Variants in KCNJ3 observed in about 807,000 individuals in gnomAD.
KCNJ3 encodes G protein-activated inward rectifier potassium channel 1.
A neutral mutation model predicts 39.2 loss-of-function variants in KCNJ3; 4 were observed. The ratio of observed to expected loss-of-function variants is 0.10; its 90% CI spans 0.05 to 0.23. The LOEUF (loss-of-function observed/expected upper bound fraction) is 0.23, where lower values mean the gene tolerates loss of function less well. Among genes scored for constraint, KCNJ3 ranks in the 10% least tolerant of loss-of-function variants. KCNJ3 has a pLI of 1.00. For missense variants in KCNJ3, 276 were observed against 634.9 expected (o/e 0.43, Z 6.08); for synonymous variants, 230 against 237.4 (o/e 0.97, Z 0.29).
intron 2 of KCNJ3, among the ~76,000 whole-genome samples, chr2:154,730,078 C>A (rs778079420): frequency 1.4e-4 from 21 of 151,774 alleles, no homozygotes; most frequent in African/African-American, 1.9e-4. Context: ...GAGTTATAAG[C>A]AGAAAGCAGT....
chr2:154,738,066 A>G (rs1685578136), intron 2 of KCNJ3, among the ~76,000 whole-genome samples: 1 of 152,118 alleles, frequency 6.6e-6, no homozygotes, highest in Admixed American at 6.6e-5. Flanking sequence ...TTTGCTTCCA[A>G]ATCTTAGCCA....
chr2:154,838,598 G>C (rs1687513378), intron 2 of KCNJ3, among the ~76,000 whole-genome samples: 1 of 152,032 alleles, frequency 6.6e-6, no homozygotes, highest in Non-Finnish European at 1.5e-5. Context: ...AGTGAAAATT[G>C]TAATGGTAAG....
intron 2 of KCNJ3, among the ~76,000 whole-genome samples, chr2:154,757,768 C>A (rs1823001): frequency 6.6e-6 from 1 of 151,936 alleles, no homozygotes; most frequent in Non-Finnish European, 1.5e-5. Context: ...TGAGGACTCC[C>A]TCTCCACTTC....
At chr2:154,805,297 G>A (rs370190917) in intron 2 of KCNJ3, among the ~76,000 whole-genome samples, 1 of 152,132 alleles carries the variant, frequency 6.6e-6, no homozygotes, top group South Asian at 2.1e-4. Flanking sequence ...CCTGGGGTAG[G>A]CAGATTGCTG....
chr2:154,837,785 T>A (rs1476926911), intron 2 of KCNJ3, among the ~76,000 whole-genome samples: 1 of 152,228 alleles, frequency 6.6e-6, no homozygotes, highest in Non-Finnish European at 1.5e-5. Flanking sequence ...TGACTGGTGA[T>A]GCCTTTGCAT....
chr2:154,760,421 C>A (rs570679130), intron 2 of KCNJ3, among the ~76,000 whole-genome samples: 1 of 151,900 alleles, frequency 6.6e-6, no homozygotes, highest in East Asian at 1.9e-4. Context: ...TTGTATAGTA[C>A]CCTTCAGTTT....
rs1352374841 is a variant in KCNJ3 at position 154,855,101 on chromosome 2, G to T, written c.1294G>T (p.Asp432Tyr). ...TTSEKAYSLG[D>Y]LPMKLQRISS... ...TTCAGAAAAAGCCTACAGCTTGGGA[G>T]ACTTGCCCATGAAACTTCAACGAAT... The change falls in exon 3 of 3, where the codon GAC (aspartate) becomes TAC (tyrosine). Residue 432 changes from aspartate (D) to tyrosine (Y), a missense_variant. Physicochemically the swap from Asp to Tyr is radical, Grantham distance 160. Transcript: ENST00000295101. The T allele has an allele frequency of 1.2e-6, 2 of 1,613,920 alleles. No homozygotes were observed. Among genetic ancestry groups the T allele is most frequent in the Non-Finnish European group, 1.7e-6 (2 of 1,179,980 alleles).
At chr2:154,830,482 C>T (rs1284637440) in intron 2 of KCNJ3, among the ~76,000 whole-genome samples, 3 of 151,968 alleles carry the variant, frequency 2.0e-5, no homozygotes, top group African/African-American at 4.8e-5. Flanking sequence ...AAAAGAGCCT[C>T]GGAAAAAACA....
At chr2:154,734,556 T>C (rs1685493446) in intron 2 of KCNJ3, among the ~76,000 whole-genome samples, 1 of 152,206 alleles carries the variant, frequency 6.6e-6, no homozygotes, top group Non-Finnish European at 1.5e-5. Context: ...CCAGCATCTG[T>C]TGATGGCTAG....
intron 2 of KCNJ3, among the ~76,000 whole-genome samples, chr2:154,796,856 A>G (rs1285681048): frequency 2.0e-5 from 3 of 152,134 alleles, no homozygotes; most frequent in Non-Finnish European, 4.4e-5. Flanking sequence ...TATTCTCTTA[A>G]GGGTAAAAAA....
chr2:154,816,294 A>T (rs1558881532), intron 2 of KCNJ3, among the ~76,000 whole-genome samples: 1 of 152,218 alleles, frequency 6.6e-6, no homozygotes, highest in Admixed American at 6.5e-5. Context: ...TCAAAGTCTT[A>T]AAAAAGTTGC....
At chr2:154,760,928 G>C (rs1462246803) in intron 2 of KCNJ3, among the ~76,000 whole-genome samples, 1 of 150,944 alleles carries the variant, frequency 6.6e-6, no homozygotes, top group Admixed American at 6.6e-5. Flanking sequence ...TAGTACATAT[G>C]GGGTTTCAGC....
intron 2 of KCNJ3, among the ~76,000 whole-genome samples, chr2:154,846,040 G>GAGTT (rs1054388820): frequency 4.7e-4 from 72 of 152,194 alleles, no homozygotes; most frequent in African/African-American, 1.7e-3. Flanking sequence ...ATAGGATAGG[G>GAGTT]AGTTAAAGGT....
rs996843414 is a variant in KCNJ3, at chr2:154,856,294, T to A, written c.*981T>A. The A allele has an allele frequency of 1.0e-4, 16 of 152,550 alleles. No homozygotes were observed. Among genetic ancestry groups the A allele is most frequent in the Non-Finnish European group, 2.1e-4 (14 of 67,986 alleles). 9.4% of individuals were successfully genotyped at this position (152,550 alleles called of 1,614,324 possible). A position where few individuals can be genotyped will look rare whatever the true frequency, so the allele number is the denominator to read the frequency against. ...CAGTAGCCAAGTTATATTGAATATA[T>A]CAGAATCTGTGTGAAGTTACACAAT... On this transcript the variant is annotated 3_prime_UTR_variant, in exon 3 of 3. Coordinates refer to ENST00000295101, the MANE Select transcript of KCNJ3 (RefSeq NM_002239.4).
At chr2:154,845,202 T>G (rs1687645271) in intron 2 of KCNJ3, among the ~76,000 whole-genome samples, 1 of 152,196 alleles carries the variant, frequency 6.6e-6, no homozygotes. Context: ...CACTGCAATC[T>G]CTGCCTTTTG....
rs1687840757 is a variant in KCNJ3, at chr2:154,856,460, T to C, written c.*1147T>C. 1 of 152,450 alleles carries C rather than the reference T, an allele frequency of 6.6e-6. No individual in the cohort carries two copies. Among genetic ancestry groups the C allele is most frequent in the African/African-American group, 2.4e-5 (1 of 41,464 alleles). The allele number at this position is 152,450 out of a possible 1,614,324, so 9.4% of individuals were successfully genotyped here. On this transcript the variant is annotated 3_prime_UTR_variant, in exon 3 of 3. Coordinates refer to ENST00000295101, the MANE Select transcript of KCNJ3 (RefSeq NM_002239.4). The stretch of plus-strand genomic sequence containing the variant: ...ATGATAAATATTTATGCTTAAAATA[T>C]GTATGTCTAATTGAGTCTCTTTTTT...
chr2:154,854,394 A>G (rs1452880963), intron 2 of KCNJ3, among the ~76,000 whole-genome samples: 1 of 152,192 alleles, frequency 6.6e-6, no homozygotes, highest in Non-Finnish European at 1.5e-5. Flanking sequence ...AAAAATTGTT[A>G]CATAATTTTT....
chr2:154,848,997 G>GTGA (rs1188220573), intron 2 of KCNJ3, among the ~76,000 whole-genome samples: 1 of 152,124 alleles, frequency 6.6e-6, no homozygotes, highest in Non-Finnish European at 1.5e-5. Context: ...TATACTACTA[G>GTGA]TGATAAACTC....
chr2:154,793,799 T>C (rs1686676979), intron 2 of KCNJ3, among the ~76,000 whole-genome samples: 1 of 152,038 alleles, frequency 6.6e-6, no homozygotes, highest in Admixed American at 6.6e-5. Flanking sequence ...ACAGGGAGCC[T>C]GGCATTTAAA....
Sources: allele counts gnomAD v4.1 joint callset (sites outside exome capture counted in the v4.1 genomes callset), GRCh38; gene constraint gnomAD v4.1.1; transcripts MANE v1.5; gene names NCBI Gene and HGNC (gene_info 2026-07-23, HGNC 2026-07-21).